Variants in NVL observed in about 807,000 individuals in gnomAD.
NVL encodes nuclear valosin-containing protein-like.
Under a neutral mutation model 110.2 loss-of-function variants are expected in NVL, and 84 were observed. The ratio of observed to expected loss-of-function variants is 0.76; its 90% CI spans 0.64 to 0.91. The LOEUF (loss-of-function observed/expected upper bound fraction) is 0.91. Ranked by LOEUF, NVL falls within the 40% of genes least tolerant of loss-of-function variation. The probability of loss-of-function intolerance (pLI) is 0.00; values close to 1 mark genes in which losing one functional copy is unlikely to be tolerated. For synonymous variants in NVL, 354 were observed against 361.1 expected (o/e 0.98, Z 0.22); for missense variants, 882 against 1,035.9 (o/e 0.85, Z 2.04).
chr1:224,269,477 A>G (rs1212547534), intron 17 of NVL, among the ~76,000 whole-genome samples: 2 of 152,196 alleles, frequency 1.3e-5, no homozygotes, highest in Non-Finnish European at 2.9e-5. Context: ...CACATACAAG[A>G]GTATCTGGGA....
At chr1:224,267,573 G>C (rs1664615024) in intron 18 of NVL, among the ~76,000 whole-genome samples, 1 of 151,800 alleles carries the variant, frequency 6.6e-6, no homozygotes, top group Non-Finnish European at 1.5e-5. Flanking sequence ...TGTAATCCCA[G>C]CTACTCAGGA....
At chr1:224,300,429 CAAATT>C (rs1195803389) in intron 10 of NVL, 128 bp downstream of exon 10, 1 of 557,276 alleles carries the variant, frequency 1.8e-6, no homozygotes, top group Non-Finnish European at 3.2e-6. Context: ...TCATGCATAG[CAAATT>C]ACCATGTTTA....
chr1:224,305,170 G>C lies in NVL; in HGVS notation c.616-4C>G. On this transcript the variant is annotated splice_polypyrimidine_tract_variant and splice_region_variant and intron_variant, in intron 6 of 22. Coordinates refer to ENST00000281701, the MANE Select transcript of NVL (RefSeq NM_002533.4). ...AAAGAGAAGAATCTTTTGAATCCTG[G>C]AAAGAAAATAAATTTAAATATGCCA... 1.3e-6 allele frequency: 2 copies of C among 1,595,340 alleles called. No homozygotes were observed. Among genetic ancestry groups the C allele is most frequent in the Non-Finnish European group, 1.7e-6 (2 of 1,175,610 alleles).
intron 10 of NVL, 65 bp from the exon 11 acceptor site, chr1:224,296,683 G>A: frequency 4.2e-6 from 4 of 953,826 alleles, no homozygotes; most frequent in Non-Finnish European, 6.2e-6. Context: ...GCACAATTAA[G>A]CATATACATT....
At chr1:224,242,318 T>C (rs1661288614) in intron 19 of NVL, among the ~76,000 whole-genome samples, 1 of 152,164 alleles carries the variant, frequency 6.6e-6, no homozygotes, top group Non-Finnish European at 1.5e-5. Flanking sequence ...TATGTATCTA[T>C]AGTATTTTAC....
chr1:224,242,202 C>A (rs1474874065), intron 19 of NVL, among the ~76,000 whole-genome samples: 2 of 151,974 alleles, frequency 1.3e-5, no homozygotes, highest in Non-Finnish European at 2.9e-5. Flanking sequence ...TGGGAAGATG[C>A]AAAAGTTCTG....
chr1:224,325,135 G>A (rs1160556948), intron 2 of NVL, among the ~76,000 whole-genome samples: 1 of 151,734 alleles, frequency 6.6e-6, no homozygotes, highest in Admixed American at 6.6e-5. Context: ...GTTAGCACAC[G>A]CCTGTAATCC....
chr1:224,242,528 C>G (rs1158889228), intron 19 of NVL, among the ~76,000 whole-genome samples: 1 of 146,618 alleles, frequency 6.8e-6, no homozygotes, highest in Non-Finnish European at 1.5e-5. Context: ...CACTCTATGC[C>G]CAGGCTGTGC....
At chr1:224,245,596 C>T (rs759211647) in intron 19 of NVL, among the ~76,000 whole-genome samples, 43 of 152,108 alleles carry the variant, frequency 2.8e-4, no homozygotes, top group Middle Eastern at 3.2e-3. Context: ...TAACAAAAGC[C>T]CTTCTGCCGT....
chr1:224,262,335 A>T (rs1226409262), intron 18 of NVL, among the ~76,000 whole-genome samples: 1 of 152,174 alleles, frequency 6.6e-6, no homozygotes, highest in Non-Finnish European at 1.5e-5. Context: ...ATTAGGGTGG[A>T]ATAAAGATAT....
At chr1:224,253,569 C>T (rs1489251695) in intron 18 of NVL, among the ~76,000 whole-genome samples, 1 of 151,024 alleles carries the variant, frequency 6.6e-6, no homozygotes, top group African/African-American at 2.4e-5. Flanking sequence ...CCCGTCTCTA[C>T]TAAAAATACA....
Position 224,268,031 on chromosome 1 carries a change from T to C in NVL, c.2182+3A>G, listed in dbSNP as rs1412588650. 4 of 1,604,530 alleles carry C rather than the reference T, an allele frequency of 2.5e-6. No homozygotes were observed. Among genetic ancestry groups the C allele is most frequent in the Non-Finnish European group, 3.4e-6 (4 of 1,171,424 alleles). On this transcript the variant is annotated splice_donor_region_variant and intron_variant, in intron 18 of 22. Transcript: ENST00000281701. ...TCTGTGTTACAATATTTTTATTTCT[T>C]ACCTGGCCTGTTAGTGGCTGCCATA...
At position 224,235,093 on chromosome 1, in the gene NVL, G is replaced by A. The variant is rs1156320939; in HGVS notation, c.2366+1413C>T. On this transcript the variant is annotated intron_variant, in intron 20 of 22. Transcript: ENST00000281701. ...GCTAGGATTACAGGTGTGAGCCACT[G>A]CTCCCACCCTTAAAGCAGTAAACTA... 2.0e-5 allele frequency among the ~76,000 whole-genome samples: 3 copies of A among 152,114 alleles called. No homozygotes were observed. In the South Asian group the frequency reaches 6.2e-4, roughly 32 times the overall value.
intron 6 of NVL, among the ~76,000 whole-genome samples, chr1:224,307,670 G>A (rs1558340131): frequency 1.6e-5 from 2 of 124,292 alleles, no homozygotes; most frequent in Admixed American, 1.1e-4. Flanking sequence ...CTGCACTCCA[G>A]CCTCAGCGAC....
At chr1:224,244,364 T>C (rs1661561571) in intron 19 of NVL, among the ~76,000 whole-genome samples, 1 of 150,578 alleles carries the variant, frequency 6.6e-6, no homozygotes, top group Non-Finnish European at 1.5e-5. Context: ...CAAAACTCCG[T>C]CTCAAAAAAA....
chr1:224,298,580 C>T (rs1052945168), intron 10 of NVL: 5 of 219,720 alleles, frequency 2.3e-5, no homozygotes, highest in African/African-American at 6.9e-5. Flanking sequence ...GGAGCCTCTT[C>T]CCTGTGAATT....
chr1:224,245,940 C>G (rs1661766167), intron 19 of NVL, among the ~76,000 whole-genome samples: 2 of 150,730 alleles, frequency 1.3e-5, no homozygotes, highest in Non-Finnish European at 3.0e-5. Context: ...ATTGAAATGT[C>G]TTTTTTGATT....
intron 19 of NVL, among the ~76,000 whole-genome samples, chr1:224,249,735 A>G (rs1479560338): frequency 6.6e-6 from 1 of 151,580 alleles, no homozygotes; most frequent in Non-Finnish European, 1.5e-5. Context: ...ACAGAGCAAG[A>G]CTCTGCCTCA....
chr1:224,320,633 TGA>T (rs1339069584), intron 2 of NVL, among the ~76,000 whole-genome samples: 1 of 149,394 alleles, frequency 6.7e-6, no homozygotes, highest in Non-Finnish European at 1.5e-5. Flanking sequence ...GGTGACTGAG[TGA>T]GACTCCATCT....
Sources: allele counts gnomAD v4.1 joint callset (sites outside exome capture counted in the v4.1 genomes callset), GRCh38; gene constraint gnomAD v4.1.1; transcripts MANE v1.5; gene names NCBI Gene and HGNC (gene_info 2026-07-23, HGNC 2026-07-21).